FGFRL1: variants seen among roughly 807,000 people sequenced by gnomAD.
FGFRL1 encodes fibroblast growth factor receptor-like 1.
Under a neutral mutation model 36.8 loss-of-function variants are expected in FGFRL1, and 24 were observed. The ratio of observed to expected loss-of-function variants is 0.65; its 90% confidence interval spans 0.47 to 0.92. FGFRL1 has a LOEUF of 0.92. FGFRL1 is among the 40% of genes least tolerant of loss of function. The pLI, the probability that FGFRL1 is intolerant of heterozygous loss-of-function variation, is 0.00. For missense variants in FGFRL1, 785 were observed against 753.4 expected (o/e 1.04, Z -0.49); for synonymous variants, 422 against 344.1 (o/e 1.23, Z -2.50).
In FGFRL1 at chr4:1,025,304, A is replaced by G. The variant is rs372496076; in HGVS notation, c.1472A>G (p.His491Arg). 3.8e-5 allele frequency: 60 copies of G among 1,568,468 alleles called. No individual in the cohort carries two copies. Among genetic ancestry groups the G allele is most frequent in the Non-Finnish European group, 8.6e-6 (10 of 1,156,374 alleles). Residue 491 changes from histidine (H) to arginine (R), a missense_variant, in exon 7 of 7, where the codon CAC becomes CGC. Transcript: ENST00000510644. ...CACACACACTCTCACACACACTCAC[A>G]CGTGGAGGGCAAGGTCCACCAGCAC... The part of the protein sequence containing the change: ...HTHTHSHTHS[H>R]VEGKVHQHIH...
rs1011041967 is a variant in FGFRL1 at position 1,023,391 on chromosome 4, G to T, written c.353-250G>T. On this transcript the variant is annotated intron_variant, in intron 3 of 6. Transcript: ENST00000510644. This position sits in a 1 kb window ranked among gnomAD's most constrained non-coding sequence, Gnocchi z 6.0. ...TCCCCCGGGGCCTGCAGACCCCCCG[G>T]AGCCAGAATGGGGGCCGGCCCTCCA... is the stretch of plus-strand genomic sequence containing the variant. 4.6e-5 allele frequency among the ~76,000 whole-genome samples: 7 copies of T among 152,294 alleles called. No individual in the cohort carries two copies. The highest frequency in any genetic ancestry group is 4.6e-4 in the Admixed American group (7 of 15,308).
chr4:1,012,292 C>T, intron 1 of FGFRL1, 178 bp from the exon 2 acceptor site: 2 of 581,900 alleles, frequency 3.4e-6, no homozygotes, highest in Middle Eastern at 3.9e-4. Context: ...TTAGTGTAAA[C>T]CCTTTGTCTG....
intron 1 of FGFRL1, chr4:1,012,232 A>T (rs946373104): frequency 4.4e-6 from 2 of 455,546 alleles, no homozygotes. Flanking sequence ...TACAAGCGCC[A>T]GGAATCCAGA....
At position 1,023,900 on chromosome 4, in the gene FGFRL1, G is replaced by C. The variant is rs377175884; in HGVS notation, c.517G>C (p.Val173Leu). The C allele has an allele frequency of 6.3e-7, 1 of 1,578,902 alleles. No individual in the cohort carries two copies. The highest frequency in any genetic ancestry group is 1.1e-5 in the South Asian group (1 of 87,312). ...GGGTAGCTCCGTGCGGCTCAAGTGC[G>C]TGGCCAGCGGGCACCCTCGGCCCGA... ...PVGSSVRLKCVASGHPRPDIT... is the reference protein window; with the variant it reads ...PVGSSVRLKCLASGHPRPDIT... The change falls in exon 5 of 7, where the codon GTG (valine) becomes CTG (leucine). Residue 173 changes from valine (V) to leucine (L), a missense_variant. Val to Leu is a conservative substitution (Grantham distance 32). Transcript: ENST00000510644. The surrounding 1 kb of genome is among the most constrained non-coding windows in gnomAD (Gnocchi z 6.0).
intron 2 of FGFRL1, among the ~76,000 whole-genome samples, chr4:1,014,564 G>C (rs912637637): frequency 6.6e-5 from 10 of 152,266 alleles, no homozygotes; most frequent in African/African-American, 2.2e-4. Flanking sequence ...CTGTCCAGGG[G>C]TGCCCCATGC....
At position 1,025,091 on chromosome 4, in the gene FGFRL1, C is replaced by G; in HGVS notation, c.1259C>G (p.Pro420Arg). The G allele has an allele frequency of 6.2e-7, 1 of 1,610,296 alleles. No individual in the cohort carries two copies. The highest frequency in any genetic ancestry group is 8.5e-7 in the Non-Finnish European group (1 of 1,178,690). ...PAPPLPGHRPPGTARDRSGDK... is the reference protein window; with the variant it reads ...PAPPLPGHRPRGTARDRSGDK... ...CCTCCCCTGCCTGGGCACCGCCCGC[C>G]GGGGACGGCCCGCGACCGCAGCGGA... is the stretch of plus-strand genomic sequence containing the variant. Residue 420 changes from proline (P) to arginine (R), a missense_variant, in exon 7 of 7, where the codon CCG becomes CGG. Physicochemically the swap from Pro to Arg is moderately radical, Grantham distance 103. Coordinates refer to ENST00000510644, the MANE Select transcript of FGFRL1 (RefSeq NM_001004356.3).
At position 1,012,500 on chromosome 4, in the gene FGFRL1, C is replaced by CCTGTTGCTGCTCCTG. The variant is rs1560556446; in HGVS notation, c.19_33dup (p.Leu7_Leu11dup). The stretch of plus-strand genomic sequence containing the variant: ...GACAGGCCGAGATGACGCCGAGCCC[C>CCTGTTGCTGCTCCTG]CTGTTGCTGCTCCTGCTGCCGCCGC... On this transcript the variant is annotated inframe_insertion, in exon 2 of 7. Coordinates refer to ENST00000510644, the MANE Select transcript of FGFRL1 (RefSeq NM_001004356.3). 2 of 1,570,372 alleles carry CCTGTTGCTGCTCCTG rather than the reference C, an allele frequency of 1.3e-6. No individual in the cohort carries two copies. The highest frequency in any genetic ancestry group is 2.3e-5 in the South Asian group (2 of 86,944).
intron 2 of FGFRL1, among the ~76,000 whole-genome samples, chr4:1,014,439 A>G (rs1715777267): frequency 1.3e-5 from 2 of 152,218 alleles, no homozygotes; most frequent in Admixed American, 1.3e-4. Context: ...AACTTTTGCA[A>G]GCATGGCCTT....
chr4:1,014,024 T>C (rs1395823134), intron 2 of FGFRL1, among the ~76,000 whole-genome samples: 2 of 152,242 alleles, frequency 1.3e-5, no homozygotes, highest in African/African-American at 4.8e-5. Context: ...TCTTCCGGAC[T>C]GTGCTGATTT....
At position 1,012,523 on chromosome 4, in the gene FGFRL1, C is replaced by CGCT. The variant is rs769021838; in HGVS notation, c.46_48dup (p.Leu16dup). On this transcript the variant is annotated inframe_insertion, in exon 2 of 7. Transcript: ENST00000510644. ...CCCCTGTTGCTGCTCCTGCTGCCGC[C>CGCT]GCTGCTGCTGGGGGCCTTCCCGCCG... 1.9e-6 allele frequency: 3 copies of CGCT among 1,545,160 alleles called. No homozygotes were observed. Among genetic ancestry groups the CGCT allele is most frequent in the South Asian group, 1.2e-5 (1 of 84,496 alleles).
In FGFRL1 at chr4:1,012,341, C is replaced by T. The variant is rs1275743009; in HGVS notation, c.-16-129C>T. On this transcript the variant is annotated intron_variant, in intron 1 of 6. Coordinates refer to ENST00000510644, the MANE Select transcript of FGFRL1 (RefSeq NM_001004356.3). ...CAGCTTCTCCCCGCTGCGGCTTCCT[C>T]CGCCTGGAGCGCGGGCGGGGAGGGC... 1.3e-5 allele frequency: 14 copies of T among 1,058,004 alleles called. No individual in the cohort carries two copies. In the South Asian group the frequency reaches 1.9e-4, roughly 14 times the overall value. The allele number at this position is 1,058,004 out of a possible 1,614,324, so 65.5% of individuals were successfully genotyped here. A position where few individuals can be genotyped will look rare whatever the true frequency, so the allele number is the denominator to read the frequency against.
Position 1,025,466 on chromosome 4 carries a change from C to A in FGFRL1, c.*119C>A. The A allele has an allele frequency of 7.9e-7, 1 of 1,261,342 alleles. No homozygotes were observed. The highest frequency in any genetic ancestry group is 1.1e-6 in the Non-Finnish European group (1 of 915,780). The allele number at this position is 1,261,342 out of a possible 1,614,324, so 78.1% of individuals were successfully genotyped here. ...ATGGCGAGGAGGAATGGCCAGCACC[C>A]CAGGCAGTCTGTGTGTGAGGCATAG... is the stretch of plus-strand genomic sequence containing the variant. On this transcript the variant is annotated 3_prime_UTR_variant, in exon 7 of 7. Transcript: ENST00000510644.
chr4:1,021,297 G>T (rs1009613253), intron 2 of FGFRL1, among the ~76,000 whole-genome samples: 3 of 152,048 alleles, frequency 2.0e-5, no homozygotes, highest in African/African-American at 7.3e-5. Context: ...TCCACATAGG[G>T]TGGGATGGTG....
At chr4:1,020,465 C>T (rs1716110966) in intron 2 of FGFRL1, among the ~76,000 whole-genome samples, 1 of 151,802 alleles carries the variant, frequency 6.6e-6, no homozygotes, top group Non-Finnish European at 1.5e-5. Flanking sequence ...GGTACAGGCC[C>T]TGCGGTGCCC....
At chr4:1,018,754 C>T (rs955534907) in intron 2 of FGFRL1, among the ~76,000 whole-genome samples, 1 of 152,224 alleles carries the variant, frequency 6.6e-6, no homozygotes. Flanking sequence ...GTTGGACGCC[C>T]GTCCAGGTGG....
At position 1,024,915 on chromosome 4, in the gene FGFRL1, G is replaced by A. The variant is rs537262686; in HGVS notation, c.1083G>A (p.Pro361=). The A allele has an allele frequency of 2.5e-5, 40 of 1,591,488 alleles. No individual in the cohort carries two copies. The highest frequency in any genetic ancestry group is 3.2e-5 in the Non-Finnish European group (37 of 1,172,306). Residue 361 remains proline, a synonymous_variant, in exon 7 of 7, where the codon CCG becomes CCA. Coordinates refer to ENST00000510644, the MANE Select transcript of FGFRL1 (RefSeq NM_001004356.3). ...AFLTVLPDPK[P]PGPPVASSSS... ...CTCTCGCTCTTGCAGACCCAAAACC[G>A]CCAGGGCCACCTGTGGCCTCCTCGT... is the stretch of plus-strand genomic sequence containing the variant.
rs766259286 is a variant in FGFRL1 at position 1,025,151 on chromosome 4, C to T, written c.1319C>T (p.Ala440Val). ...CTTCCCTCGTTGGCCGCCCTCAGCG[C>T]TGGCCCTGGTGTGGGGCTGTGTGAG... ...KDLPSLAALS[A>V]GPGVGLCEEH... Residue 440 changes from alanine (A) to valine (V), a missense_variant, in exon 7 of 7, where the codon GCT (alanine) becomes GTT (valine). Physicochemically the swap from Ala to Val is moderately conservative, Grantham distance 64. Coordinates refer to ENST00000510644, the MANE Select transcript of FGFRL1 (RefSeq NM_001004356.3). 1 of 1,610,862 alleles carries T rather than the reference C, an allele frequency of 6.2e-7. No homozygotes were observed. The highest frequency in any genetic ancestry group is 1.3e-5 in the African/African-American group (1 of 75,020).
At position 1,012,516 on chromosome 4, in the gene FGFRL1, C is replaced by G; in HGVS notation, c.31C>G (p.Leu11Val). ...GCCGAGCCCCCTGTTGCTGCTCCTG[C>G]TGCCGCCGCTGCTGCTGGGGGCCTT... MTPSPLLLLL[L>V]PPLLLGAFPP... The change falls in exon 2 of 7, where the codon CTG becomes GTG. Residue 11 changes from leucine (L) to valine (V), a missense_variant. By Grantham distance (32) the Leu-to-Val change is conservative. Transcript: ENST00000510644. 6.4e-7 allele frequency: 1 copy of G among 1,551,124 alleles called. No individual in the cohort carries two copies. Among genetic ancestry groups the G allele is most frequent in the Non-Finnish European group, 8.7e-7 (1 of 1,154,236 alleles).
Position 1,024,913 on chromosome 4 carries a change from C to T in FGFRL1, c.1081C>T (p.Pro361Ser). Residue 361 changes from proline (P) to serine (S), a missense_variant, in exon 7 of 7, where the codon CCG becomes TCG. By Grantham distance (74) the Pro-to-Ser change is moderately conservative. Transcript: ENST00000510644. ...TCCTCTCGCTCTTGCAGACCCAAAACCGCCAGGGCCACCTGTGGCCTCCTC... is the reference window on the plus strand; with the variant it reads ...TCCTCTCGCTCTTGCAGACCCAAAATCGCCAGGGCCACCTGTGGCCTCCTC... ...AFLTVLPDPK[P>S]PGPPVASSSS... The T allele has an allele frequency of 6.3e-7, 1 of 1,590,864 alleles. No homozygotes were observed. The highest frequency in any genetic ancestry group is 8.5e-7 in the Non-Finnish European group (1 of 1,172,196).
Sources: gnomAD v4.1 joint callset for allele counts (sites outside exome capture counted in the v4.1 genomes callset) on GRCh38, gnomAD v4.1.1 for gene constraint, Gnocchi (gnomAD v3.1) non-coding constraint, MANE v1.5 for transcripts, NCBI Gene and HGNC (gene_info 2026-07-23, HGNC 2026-07-21) for gene names.